PFKP: variants seen among roughly 807,000 people sequenced by gnomAD.
PFKP encodes the protein phosphofructokinase, platelet.
Under a neutral mutation model 94.3 loss-of-function variants are expected in PFKP, and 101 were observed. The ratio of observed to expected loss-of-function variants is 1.07; its 90% CI spans 0.91 to 1.26. The LOEUF (loss-of-function observed/expected upper bound fraction) is 1.26. Among genes scored for constraint, PFKP ranks in the 50% most tolerant of loss-of-function variants. PFKP has a pLI of 0.00. For synonymous variants in PFKP, 573 were observed against 432.6 expected, an observed-to-expected ratio of 1.32 and a Z score of -4.03; for missense variants, 1,145 against 1,103.3, an observed-to-expected ratio of 1.04 and a Z score of -0.53.
At chr10:3,104,170 G>C (rs1401221942) in intron 5 of PFKP, among the ~76,000 whole-genome samples, 1 of 152,166 alleles carries the variant, frequency 6.6e-6, no homozygotes, top group Non-Finnish European at 1.5e-5. Flanking sequence ...CAGTTTATTA[G>C]AATTTGGAAG....
At chr10:3,099,666 A>G (rs1249543792) in intron 3 of PFKP, among the ~76,000 whole-genome samples, 1 of 152,178 alleles carries the variant, frequency 6.6e-6, no homozygotes, top group East Asian at 1.9e-4. Flanking sequence ...GACACATCAG[A>G]AGAGAGGTGG....
At chr10:3,084,403 T>A (rs1008756100) in intron 2 of PFKP, among the ~76,000 whole-genome samples, 3 of 152,318 alleles carry the variant, frequency 2.0e-5, no homozygotes, top group Non-Finnish European at 4.4e-5. Flanking sequence ...TATCTGTGTA[T>A]CCATTTGTTT....
At chr10:3,104,644 G>A (rs575108414) in intron 5 of PFKP, 38 of 214,666 alleles carry the variant, frequency 1.8e-4, no homozygotes, top group African/African-American at 4.0e-4. Context: ...AAGGCTGCTC[G>A]GAGCAGTTGG....
At chr10:3,131,739 A>G (rs1003814945) in intron 17 of PFKP, among the ~76,000 whole-genome samples, 1 of 152,190 alleles carries the variant, frequency 6.6e-6, no homozygotes, top group African/African-American at 2.4e-5. Context: ...GACTACAGGC[A>G]TGAGCCACCA....
rs1415257534 is a variant in PFKP at position 3,114,995 on chromosome 10, C to T, written c.1371+1477C>T. Among the ~76,000 whole-genome samples, 6 of 152,182 alleles carry T rather than the reference C, an allele frequency of 3.9e-5. No individual in the cohort carries two copies. The East Asian group carries it at 1.2e-3, about 29-fold the overall frequency. ...TGGTGGGTCCAGACTGGCTACTGTG[C>T]AGATGGCGAGAAACCTTCAAGGGTC... On this transcript the variant is annotated intron_variant, in intron 13 of 21. Transcript: ENST00000381125.
At chr10:3,113,065 C>T in intron 11 of PFKP, 54 bp from the exon 12 acceptor site, 1 of 1,524,468 alleles carries the variant, frequency 6.6e-7, no homozygotes, top group Non-Finnish European at 9.0e-7. Flanking sequence ...CACATGAGCC[C>T]TGAGTTGTGT....
intron 17 of PFKP, among the ~76,000 whole-genome samples, chr10:3,131,066 TTA>T (rs1324873803): frequency 1.3e-5 from 2 of 152,202 alleles, no homozygotes; most frequent in East Asian, 3.9e-4. Flanking sequence ...GTGCAGTTTT[TTA>T]TCTTTTATAA....
intron 1 of PFKP, among the ~76,000 whole-genome samples, chr10:3,080,198 G>C (rs1036555105): frequency 6.6e-6 from 1 of 152,262 alleles, no homozygotes; most frequent in Admixed American, 6.5e-5. Context: ...TGGGAACCTG[G>C]AGGAACGCGG....
chr10:3,116,668 C>A, intron 13 of PFKP, 108 bp from the exon 14 acceptor site: 2 of 843,304 alleles, frequency 2.4e-6, no homozygotes, highest in South Asian at 1.4e-5. Flanking sequence ...CCTCTCAAAT[C>A]TTTACCGGAA....
Position 3,104,672 on chromosome 10 carries a change from G to A in PFKP, c.621-443G>A, listed in dbSNP as rs540698163. On this transcript the variant is annotated intron_variant, in intron 5 of 21. Transcript: ENST00000381125. ...GCAGTTGGATTTTTCCATTCCCTGG[G>A]AAGACCCACAGTCTCTGGGCATTAA... 8 of 222,000 alleles carry A rather than the reference G, an allele frequency of 3.6e-5. No individual in the cohort carries two copies. In the South Asian group the frequency reaches 5.3e-4, roughly 15 times the overall value. 13.8% of individuals were successfully genotyped at this position (222,000 alleles called of 1,614,324 possible). A position where few individuals can be genotyped will look rare whatever the true frequency, so the allele number is the denominator to read the frequency against.
At chr10:3,089,911 C>T (rs1009422092) in intron 2 of PFKP, among the ~76,000 whole-genome samples, 3 of 151,960 alleles carry the variant, frequency 2.0e-5, no homozygotes, top group African/African-American at 7.3e-5. Context: ...TCATTCTGTT[C>T]TCTGTCTCCA....
At chr10:3,111,338 GGTA>G (rs1196515614) in intron 10 of PFKP, among the ~76,000 whole-genome samples, 1 of 152,158 alleles carries the variant, frequency 6.6e-6, no homozygotes, top group African/African-American at 2.4e-5. Context: ...TGGAGTGTGA[GGTA>G]GTGTGTGTCT....
chr10:3,119,953 C>G lies in PFKP; in HGVS notation c.1592C>G (p.Pro531Arg), dbSNP rs1210508513. The G allele has an allele frequency of 6.2e-7, 1 of 1,614,106 alleles. No homozygotes were observed. The highest frequency in any genetic ancestry group is 1.1e-5 in the South Asian group (1 of 91,072). ...AREKHEEFCV[P>R]MVMVPATVSN... is the part of the protein sequence containing the mutation. ...GAGAAGCACGAGGAGTTCTGTGTCC[C>G]CATGGTCATGGTTCCCGCTACTGTG... The change falls in exon 16 of 22, where the codon CCC becomes CGC. Residue 531 changes from proline (P) to arginine (R), a missense_variant. This residue lies in a region of PFKP where 1,119 missense variants were observed against 1,062.8 expected (regional missense o/e 1.05). Coordinates refer to ENST00000381125, the MANE Select transcript of PFKP (RefSeq NM_002627.5).
intron 1 of PFKP, among the ~76,000 whole-genome samples, chr10:3,072,743 A>G (rs531112052): frequency 1.3e-5 from 2 of 151,984 alleles, no homozygotes; most frequent in African/African-American, 4.8e-5. Flanking sequence ...ATCAGGGAGA[A>G]TTAGGCTCTT....
intron 20 of PFKP, among the ~76,000 whole-genome samples, 168 bp downstream of exon 20, chr10:3,134,750 C>A (rs745507442): frequency 3.3e-5 from 5 of 152,226 alleles, no homozygotes; most frequent in Non-Finnish European, 7.3e-5. Context: ...ATTTAACCAA[C>A]CTTGGATTCC....
At chr10:3,132,585 C>G (rs529558082) in intron 18 of PFKP, 144 bp downstream of exon 18, 1 of 628,130 alleles carries the variant, frequency 1.6e-6, no homozygotes, top group African/African-American at 1.8e-5. Flanking sequence ...CAGAAGACAG[C>G]TGTGGTGCAT....
Position 3,105,386 on chromosome 10 carries a change from C to G in PFKP, c.666-7C>G, listed in dbSNP as rs1428069651. 6.2e-7 allele frequency: 1 copy of G among 1,609,354 alleles called. No individual in the cohort carries two copies. Among genetic ancestry groups the G allele is most frequent in the Admixed American group, 1.7e-5 (1 of 59,976 alleles). On this transcript the variant is annotated splice_region_variant and splice_polypyrimidine_tract_variant and intron_variant, in intron 6 of 21. Coordinates refer to ENST00000381125, the MANE Select transcript of PFKP (RefSeq NM_002627.5). Reference sequence around the variant, plus strand: ...GGGGTGTTGATGCTGTTGCCTTGTCCACATAGGTACCTGGCCCTGGTGAGT... The same window carrying G: ...GGGGTGTTGATGCTGTTGCCTTGTCGACATAGGTACCTGGCCCTGGTGAGT...
chr10:3,124,088 G>A (rs1381903755), intron 16 of PFKP, among the ~76,000 whole-genome samples: 55 of 143,318 alleles, frequency 3.8e-4, no homozygotes, highest in East Asian at 2.3e-4. Context: ...CGGCCCACAC[G>A]GGCTCCAGGC....
rs561572264 is a variant in PFKP, at chr10:3,101,322, C to G, written c.265-43C>G. ...CTGTGTGTGCCATCCACCTGGCGCTCTCTCAGACTGAGAGGAGATAAATTA... is the reference window on the plus strand; with the variant it reads ...CTGTGTGTGCCATCCACCTGGCGCTGTCTCAGACTGAGAGGAGATAAATTA... On this transcript the variant is annotated intron_variant, in intron 3 of 21. Transcript: ENST00000381125. 16 of 1,514,658 alleles carry G rather than the reference C, an allele frequency of 1.1e-5. No homozygotes were observed. In the East Asian group the frequency reaches 1.7e-4, roughly 16 times the overall value. The allele number at this position is 1,514,658 out of a possible 1,614,324, so 93.8% of individuals were successfully genotyped here. A position where few individuals can be genotyped will look rare whatever the true frequency, so the allele number is the denominator to read the frequency against.
Sources: gnomAD v4.1 joint callset for allele counts (sites outside exome capture counted in the v4.1 genomes callset) on GRCh38, gnomAD v4.1.1 for gene constraint, gnomAD v4.1.1 regional missense constraint, MANE v1.5 for transcripts, NCBI Gene and HGNC (gene_info 2026-07-23, HGNC 2026-07-21) for gene names.